The following PASD1 variants were observed in gnomAD, a reference collection of about 807,000 sequenced individuals.
PASD1 encodes the protein PAS domain containing repressor 1.
PASD1 carries 13 observed loss-of-function variants against 58.8 expected under a neutral mutation model. The observed-to-expected ratio is 0.22, with a 90% CI of 0.14 to 0.35. The LOEUF (loss-of-function observed/expected upper bound fraction) is 0.35. Among genes scored for constraint, PASD1 ranks in the 10% least tolerant of loss-of-function variants. PASD1 has a pLI of 1.00. For missense variants in PASD1, 734 were observed against 568.3 expected, an observed-to-expected ratio of 1.29 and a Z score of -2.96; for synonymous variants, 236 against 216.7, an observed-to-expected ratio of 1.09 and a Z score of -0.78.
chrX:151,605,064 T>G (rs1602925283), intron 3 of PASD1, among the ~76,000 whole-genome samples: 1 of 112,147 alleles, frequency 8.9e-6, no homozygotes, highest in African/African-American at 3.2e-5. Flanking sequence ...GGTTATACTC[T>G]AATGAATTAG....
chrX:151,665,902 GTT>G (rs749783832), intron 11 of PASD1, among the ~76,000 whole-genome samples: 46 of 96,872 alleles, frequency 4.7e-4, no homozygotes, highest in African/African-American at 1.2e-3. Flanking sequence ...GTGTGTGTGT[GTT>G]TTTTTTTTTT....
At chrX:151,652,598 G>A (rs1314448485) in intron 9 of PASD1, among the ~76,000 whole-genome samples, 1 of 110,628 alleles carries the variant, frequency 9.0e-6, no homozygotes, top group African/African-American at 3.3e-5. Flanking sequence ...AAAAGAGAAG[G>A]TGACAAGACT....
intron 1 of PASD1, among the ~76,000 whole-genome samples, chrX:151,593,222 A>C (rs771157393): frequency 9.1e-6 from 1 of 110,421 alleles, no homozygotes; most frequent in Non-Finnish European, 1.9e-5. Context: ...GTAGTTATTT[A>C]AGTTTATTTT....
At chrX:151,592,228 T>A (rs1196927559) in intron 1 of PASD1, among the ~76,000 whole-genome samples, 1 of 112,464 alleles carries the variant, frequency 8.9e-6, no homozygotes, top group Non-Finnish European at 1.9e-5. Context: ...ATCAGAATTA[T>A]GTTAATTTGT....
intron 3 of PASD1, among the ~76,000 whole-genome samples, chrX:151,605,000 G>A (rs7885463): frequency 0.27 from 29,758 of 111,034 alleles, 3,168 homozygotes; most frequent in Non-Finnish European, 0.34. Context: ...ACAAGTCTTC[G>A]CATAGGTTAG....
rs755540723 is a variant in PASD1, at chrX:151,637,420, A to G, written c.630-11195A>G. On this transcript the variant is annotated intron_variant, in intron 8 of 15. Transcript: ENST00000370357. ...TGGAGACAGAGTCTCGCTCTTGTCC[A>G]GGCTGGAATGCAATGGCCTGATCTC... Among the ~76,000 whole-genome samples, 6 of 111,693 alleles carry G rather than the reference A, an allele frequency of 5.4e-5. No homozygotes were observed. The East Asian group carries it at 1.4e-3, about 26-fold the overall frequency.
intron 8 of PASD1, among the ~76,000 whole-genome samples, chrX:151,634,890 A>G (rs774667432): frequency 8.9e-6 from 1 of 111,912 alleles, no homozygotes; most frequent in African/African-American, 3.2e-5. Context: ...ACTTGAAGAC[A>G]TGTAAATATT....
chrX:151,640,696 C>T (rs1215120522), intron 8 of PASD1, among the ~76,000 whole-genome samples: 3 of 111,830 alleles, frequency 2.7e-5, no homozygotes, highest in Non-Finnish European at 5.6e-5. Flanking sequence ...GTAGCCTTGA[C>T]ATTCATTCTG....
intron 11 of PASD1, among the ~76,000 whole-genome samples, chrX:151,669,439 T>C (rs2014434975): frequency 9.0e-6 from 1 of 110,712 alleles, no homozygotes; most frequent in African/African-American, 3.3e-5. Flanking sequence ...TTTTAAAATA[T>C]ACAATAGATT....
intron 10 of PASD1, among the ~76,000 whole-genome samples, chrX:151,660,283 G>A (rs5924989): frequency 0.26 from 29,291 of 110,968 alleles, 3,084 homozygotes; most frequent in Middle Eastern, 0.39. Flanking sequence ...GTAATTGTTT[G>A]AAAAGTACAA....
intron 1 of PASD1, among the ~76,000 whole-genome samples, chrX:151,592,103 C>T (rs1208091064): frequency 8.9e-6 from 1 of 111,812 alleles, no homozygotes; most frequent in African/African-American, 3.2e-5. Context: ...TGCTGTTGTT[C>T]TTCAAAGTTA....
chrX:151,656,141 G>C (rs1437520875), intron 9 of PASD1, among the ~76,000 whole-genome samples: 4 of 111,432 alleles, frequency 3.6e-5, no homozygotes, highest in African/African-American at 6.5e-5. Context: ...TTTTTGTCAG[G>C]TTTGTCAAAG....
In PASD1 at chrX:151,646,943, T is replaced by C. The variant is rs963912696; in HGVS notation, c.630-1672T>C. On this transcript the variant is annotated intron_variant, in intron 8 of 15. Coordinates refer to ENST00000370357, the MANE Select transcript of PASD1 (RefSeq NM_173493.3). ...AGTAGATAGAAAGTAATAAGAAACA[T>C]TCATATAAGGCAGAAGAGAGTTGAG... Among the ~76,000 whole-genome samples the C allele has an allele frequency of 7.1e-5, 8 of 112,366 alleles. 1 individual carries two copies. Among genetic ancestry groups the C allele is most frequent in the African/African-American group, 2.6e-4 (8 of 30,927 alleles).
chrX:151,587,559 G>A (rs1216409085), intron 1 of PASD1, among the ~76,000 whole-genome samples: 1 of 107,794 alleles, frequency 9.3e-6, no homozygotes. Flanking sequence ...GTGTGTGTGC[G>A]TGCTTCCGTG....
At position 151,659,742 on chromosome X, in the gene PASD1, G is replaced by A. The variant is rs2014287358; in HGVS notation, c.747G>A (p.Gln249=). Residue 249 remains glutamine, a synonymous_variant, in exon 10 of 16, where the codon CAG becomes CAA. Transcript: ENST00000370357. ...AAATTGATATTGCAGAGGTTGAGCA[G>A]TATGGACCACAAGAAAACGTTCACA... is the stretch of plus-strand genomic sequence containing the variant. ...DDQIDIAEVE[Q]YGPQENVHMF... 1.7e-6 allele frequency: 2 copies of A among 1,202,742 alleles called. No individual in the cohort carries two copies. Among genetic ancestry groups the A allele is most frequent in the South Asian group, 1.8e-5 (1 of 56,688 alleles).
At chrX:151,632,476 T>C (rs931706222) in intron 8 of PASD1, among the ~76,000 whole-genome samples, 1 of 111,524 alleles carries the variant, frequency 9.0e-6, no homozygotes, top group African/African-American at 3.3e-5. Flanking sequence ...ATGCAGGGCC[T>C]GTGAGCAACT....
chrX:151,648,669 C>CGCTGCTGCTGCT lies in PASD1; in HGVS notation c.697_708dup (p.Ala233_Ala236dup), dbSNP rs750036801. ...GCATGAAAGCCGTGTACGTTGAACCCGCTGCTGCTGCTGCTGCTGCTGCTA... is the reference window on the plus strand; with the variant it reads ...GCATGAAAGCCGTGTACGTTGAACCCGCTGCTGCTGCTGCTGCTGCTGCTGCTGCTGCTGCTA... On this transcript the variant is annotated inframe_insertion, in exon 9 of 16. Transcript: ENST00000370357. 3.6e-5 allele frequency: 44 copies of CGCTGCTGCTGCT among 1,207,414 alleles called. No homozygotes were observed. The highest frequency in any genetic ancestry group is 4.7e-5 in the Non-Finnish European group (42 of 893,732).
chrX:151,581,674 A>C (rs2124231410), intron 1 of PASD1, among the ~76,000 whole-genome samples: 1 of 111,529 alleles, frequency 9.0e-6, no homozygotes, highest in Admixed American at 9.6e-5. Context: ...CTCATTCTTC[A>C]TTTTTGGTAA....
chrX:151,671,252 G>A, intron 12 of PASD1, 56 bp downstream of exon 12: 6 of 1,166,727 alleles, frequency 5.1e-6, no homozygotes, highest in Non-Finnish European at 6.9e-6. Flanking sequence ...AGTAGCAGAA[G>A]GAAGAGGAGA....
Sources: allele counts gnomAD v4.1 joint callset (sites outside exome capture counted in the v4.1 genomes callset), GRCh38; gene constraint gnomAD v4.1.1; transcripts MANE v1.5; gene names NCBI Gene and HGNC (gene_info 2026-07-23, HGNC 2026-07-21).